The following CCDC178 variants were observed in gnomAD, a reference collection of about 807,000 sequenced individuals.
The protein encoded by CCDC178 is coiled-coil domain-containing protein 178.
CCDC178 carries 126 observed loss-of-function variants against 117.4 expected under a neutral mutation model. That is an observed-to-expected ratio of 1.07 (90% CI 0.93 to 1.24). The LOEUF (loss-of-function observed/expected upper bound fraction) is 1.24, where lower values mean the gene tolerates loss of function less well. CCDC178 is among the 50% of genes most tolerant of loss of function. The probability of loss-of-function intolerance (pLI) is 0.00; values close to 1 mark genes in which losing one functional copy is unlikely to be tolerated. For missense variants in CCDC178, 1,030 were observed against 986.9 expected, an observed-to-expected ratio of 1.04 and a Z score of -0.59; for synonymous variants, 283 against 313.4, an observed-to-expected ratio of 0.90 and a Z score of 1.02.
intron 2 of CCDC178, among the ~76,000 whole-genome samples, chr18:33,417,358 T>C (rs2063958140): frequency 6.6e-6 from 1 of 152,164 alleles, no homozygotes; most frequent in African/African-American, 2.4e-5. Flanking sequence ...ACATATTGCA[T>C]GATTCCATTT....
At chr18:33,318,747 T>C (rs1411407596) in intron 11 of CCDC178, among the ~76,000 whole-genome samples, 2 of 151,946 alleles carry the variant, frequency 1.3e-5, no homozygotes, top group Admixed American at 1.3e-4. Flanking sequence ...TTAAAATTCA[T>C]AACAAAGAGA....
rs1328876364 is a variant in CCDC178 at position 33,189,503 on chromosome 18, A to G, written c.2238+22393T>C. Among the ~76,000 whole-genome samples the G allele has an allele frequency of 2.6e-5, 4 of 152,318 alleles. No individual in the cohort carries two copies. In the East Asian group the frequency reaches 5.8e-4, roughly 22 times the overall value. On this transcript the variant is annotated intron_variant, in intron 20 of 22. Transcript: ENST00000383096. ...CAGTAATATTTAACACAGATATAGT[A>G]TTAATGGTTAGCCCTGTATCTTGGT...
At position 33,203,904 on chromosome 18, in the gene CCDC178, C is replaced by T. The variant is rs1162083205; in HGVS notation, c.2238+7992G>A. Among the ~76,000 whole-genome samples, 4 of 152,244 alleles carry T rather than the reference C, an allele frequency of 2.6e-5. No homozygotes were observed. The East Asian group carries it at 7.7e-4, about 29-fold the overall frequency. ...ATGTCTATAAGACTAACTATGATAG[C>T]TCTTTTAAGACTCTATCCAACGTGG... On this transcript the variant is annotated intron_variant, in intron 20 of 22. Transcript: ENST00000383096.
rs566595874 is a variant in CCDC178, at chr18:33,047,862, G to A, written c.2388+44899C>T. Among the ~76,000 whole-genome samples, 15 of 152,188 alleles carry A rather than the reference G, an allele frequency of 9.9e-5. 1 individual carries two copies. The South Asian group carries it at 2.9e-3, about 29-fold the overall frequency. On this transcript the variant is annotated intron_variant, in intron 21 of 22. Transcript: ENST00000383096. ...CACTAGCCATCAATTTGCTTTTTGT[G>A]GAAAGGTAACTTTTACCCTCTAAAC...
chr18:32,960,144 C>T (rs2054677716), intron 22 of CCDC178, among the ~76,000 whole-genome samples: 1 of 151,962 alleles, frequency 6.6e-6, no homozygotes, highest in Non-Finnish European at 1.5e-5. Context: ...GCACTTTTAT[C>T]TTAGATATCA....
chr18:33,088,660 G>T (rs536881050), intron 21 of CCDC178, among the ~76,000 whole-genome samples: 12 of 152,192 alleles, frequency 7.9e-5, no homozygotes, highest in African/African-American at 2.9e-4. Flanking sequence ...TGTTCTATGA[G>T]GATCAGAAGT....
intron 9 of CCDC178, among the ~76,000 whole-genome samples, chr18:33,344,030 C>A (rs1004751094): frequency 1.3e-5 from 2 of 151,928 alleles, no homozygotes; most frequent in Non-Finnish European, 2.9e-5. Flanking sequence ...TACGGCCGGG[C>A]GCGGTGGCTC....
chr18:33,055,559 G>A (rs891718707), intron 21 of CCDC178, among the ~76,000 whole-genome samples: 12 of 151,964 alleles, frequency 7.9e-5, no homozygotes, highest in African/African-American at 2.9e-4. Flanking sequence ...GAACTTCTGG[G>A]CTCAAGCAAT....
intron 21 of CCDC178, among the ~76,000 whole-genome samples, chr18:33,081,551 T>C (rs1255612058): frequency 6.6e-6 from 1 of 152,236 alleles, no homozygotes; most frequent in African/African-American, 2.4e-5. Flanking sequence ...CATATTCTTT[T>C]CTGCTTTTAC....
chr18:33,189,412 A>G (rs943809841), intron 20 of CCDC178, among the ~76,000 whole-genome samples: 2 of 152,162 alleles, frequency 1.3e-5, no homozygotes, highest in Non-Finnish European at 2.9e-5. Context: ...ATATATTTGT[A>G]TATTATATAT....
At chr18:32,982,211 GCAATT>G (rs965788688) in intron 21 of CCDC178, among the ~76,000 whole-genome samples, 5 of 151,956 alleles carry the variant, frequency 3.3e-5, no homozygotes, top group Non-Finnish European at 5.9e-5. Context: ...ACTGGCTTTT[GCAATT>G]TAAGAACCCT....
At chr18:33,093,557 A>T (rs898229706) in intron 20 of CCDC178, among the ~76,000 whole-genome samples, 1 of 152,140 alleles carries the variant, frequency 6.6e-6, no homozygotes, top group Non-Finnish European at 1.5e-5. Context: ...ATGACTAAAT[A>T]AATATATGTC....
At chr18:32,944,091 C>G (rs1209399309) in intron 22 of CCDC178, among the ~76,000 whole-genome samples, 1 of 151,998 alleles carries the variant, frequency 6.6e-6, no homozygotes, top group Non-Finnish European at 1.5e-5. Context: ...GGAAGGATCC[C>G]CCTACCCCCA....
intron 20 of CCDC178, among the ~76,000 whole-genome samples, chr18:33,182,915 T>C (rs192066121): frequency 1.3e-5 from 2 of 152,156 alleles, no homozygotes; most frequent in South Asian, 2.1e-4. Flanking sequence ...GCTAATACTA[T>C]TGTTTTTAAA....
At chr18:33,432,845 A>G (rs367892034) in intron 2 of CCDC178, among the ~76,000 whole-genome samples, 71 of 152,348 alleles carry the variant, frequency 4.7e-4, no homozygotes, top group South Asian at 2.9e-3. Flanking sequence ...CTGTCTGTTA[A>G]GGAACTAAAT....
At chr18:32,994,418 CTGTAAAATAATTTTA>C (rs2055459365) in intron 21 of CCDC178, among the ~76,000 whole-genome samples, 9 of 152,142 alleles carry the variant, frequency 5.9e-5, no homozygotes, top group Admixed American at 5.2e-4. Context: ...TTTTCATCAC[CTGTAAAATAATTTTA>C]ACTCTTTTTT....
intron 21 of CCDC178, among the ~76,000 whole-genome samples, chr18:32,998,114 T>C (rs144328399): frequency 5.3e-5 from 8 of 152,334 alleles, no homozygotes; most frequent in Non-Finnish European, 8.8e-5. Flanking sequence ...ACACCACCCC[T>C]CCACTATCCT....
intron 20 of CCDC178, among the ~76,000 whole-genome samples, chr18:33,185,812 G>A (rs2058786025): frequency 6.6e-6 from 1 of 151,866 alleles, no homozygotes; most frequent in African/African-American, 2.4e-5. Context: ...TACATAGAAA[G>A]TATCATCTTA....
intron 20 of CCDC178, among the ~76,000 whole-genome samples, chr18:33,134,368 A>G (rs1329548889): frequency 1.3e-5 from 2 of 152,056 alleles, no homozygotes; most frequent in African/African-American, 2.4e-5. Flanking sequence ...GCTTATTTCA[A>G]CATGTGACTA....
Sources: gnomAD v4.1 joint callset for allele counts (sites outside exome capture counted in the v4.1 genomes callset) on GRCh38, gnomAD v4.1.1 for gene constraint, MANE v1.5 for transcripts, NCBI Gene and HGNC (gene_info 2026-07-23, HGNC 2026-07-21) for gene names.